Variants in PCSK2 observed in about 807,000 individuals in gnomAD.
PCSK2 encodes the protein neuroendocrine convertase 2.
A neutral mutation model predicts 69.7 loss-of-function variants in PCSK2; 14 were observed. The ratio of observed to expected loss-of-function variants is 0.20; its 90% CI spans 0.13 to 0.31. PCSK2 has a LOEUF of 0.31. Ranked by LOEUF, PCSK2 falls within the 10% of genes least tolerant of loss-of-function variation. The probability of loss-of-function intolerance (pLI) is 1.00; values close to 1 mark genes in which losing one functional copy is unlikely to be tolerated. For synonymous variants in PCSK2, 307 were observed against 320.7 expected (o/e 0.96, Z 0.46); for missense variants, 544 against 842.5 (o/e 0.65, Z 4.39).
chr20:17,416,736 G>C (rs1489359733), intron 6 of PCSK2, among the ~76,000 whole-genome samples: 1 of 152,114 alleles, frequency 6.6e-6, no homozygotes, highest in African/African-American at 2.4e-5. Flanking sequence ...TGTTTATTGT[G>C]GCACTATTGA....
intron 11 of PCSK2, among the ~76,000 whole-genome samples, chr20:17,473,446 C>T (rs2033240152): frequency 6.6e-6 from 1 of 152,190 alleles, no homozygotes; most frequent in South Asian, 2.1e-4. Context: ...AAATGAGCTC[C>T]AGATCATGGC....
intron 8 of PCSK2, among the ~76,000 whole-genome samples, chr20:17,450,421 TAAC>T (rs951939409): frequency 1.3e-5 from 2 of 152,168 alleles, no homozygotes; most frequent in Non-Finnish European, 2.9e-5. Context: ...GTGAAGTACT[TAAC>T]AAGTCCCTGG....
At chr20:17,381,017 C>T (rs558672978) in intron 5 of PCSK2, among the ~76,000 whole-genome samples, 1 of 152,274 alleles carries the variant, frequency 6.6e-6, no homozygotes, top group South Asian at 2.1e-4. Context: ...ACAGGGTTGG[C>T]TCCCAGGAAT....
At chr20:17,354,721 A>G (rs952922981) in intron 2 of PCSK2, among the ~76,000 whole-genome samples, 1 of 152,222 alleles carries the variant, frequency 6.6e-6, no homozygotes, top group African/African-American at 2.4e-5. Flanking sequence ...TAATTAAAGT[A>G]TGATAGCTAA....
chr20:17,406,159 C>T (rs1030193724), intron 5 of PCSK2, among the ~76,000 whole-genome samples: 11 of 152,160 alleles, frequency 7.2e-5, no homozygotes, highest in African/African-American at 2.7e-4. Context: ...TAGAAGACTC[C>T]AGTAGCATTC....
intron 2 of PCSK2, among the ~76,000 whole-genome samples, chr20:17,293,394 C>A (rs896316869): frequency 1.3e-5 from 2 of 152,116 alleles, no homozygotes; most frequent in Non-Finnish European, 2.9e-5. Flanking sequence ...TGTGGACATC[C>A]TTGTCTTGTT....
At chr20:17,287,530 G>A (rs1288602887) in intron 2 of PCSK2, among the ~76,000 whole-genome samples, 1 of 152,020 alleles carries the variant, frequency 6.6e-6, no homozygotes, top group Non-Finnish European at 1.5e-5. Context: ...TCAAGGAGGG[G>A]AGGGTGGATT....
At chr20:17,238,359 C>G (rs377693088) in intron 1 of PCSK2, among the ~76,000 whole-genome samples, 5 of 152,252 alleles carry the variant, frequency 3.3e-5, no homozygotes, top group African/African-American at 1.2e-4. Flanking sequence ...ATTACTCTAA[C>G]TGGTTTTTCC....
chr20:17,396,614 A>G (rs2031516294), intron 5 of PCSK2, among the ~76,000 whole-genome samples: 1 of 148,652 alleles, frequency 6.7e-6, no homozygotes, highest in South Asian at 2.1e-4. Flanking sequence ...CTCAAAGTCA[A>G]CTTATTTTTT....
chr20:17,229,278 C>A (rs191396732), intron 1 of PCSK2, among the ~76,000 whole-genome samples: 36 of 151,720 alleles, frequency 2.4e-4, no homozygotes, highest in Admixed American at 7.2e-4. Context: ...AGAAGTGAAC[C>A]CATGCTCTTT....
chr20:17,441,678 A>C (rs975250086), intron 8 of PCSK2, among the ~76,000 whole-genome samples: 1 of 151,888 alleles, frequency 6.6e-6, no homozygotes, highest in Non-Finnish European at 1.5e-5. Context: ...AAACCATGAG[A>C]TCTCATGAGA....
intron 2 of PCSK2, among the ~76,000 whole-genome samples, chr20:17,267,357 T>C (rs1987658048): frequency 6.6e-6 from 1 of 152,132 alleles, no homozygotes; most frequent in African/African-American, 2.4e-5. Context: ...CTTGACAGCA[T>C]CAGGAAAAGG....
intron 1 of PCSK2, among the ~76,000 whole-genome samples, chr20:17,256,156 A>C (rs1416394207): frequency 6.6e-6 from 1 of 152,068 alleles, no homozygotes; most frequent in Non-Finnish European, 1.5e-5. Context: ...CTCTCTGATA[A>C]ATTTTTAAAT....
At chr20:17,337,999 A>G (rs548771734) in intron 2 of PCSK2, among the ~76,000 whole-genome samples, 3 of 151,750 alleles carry the variant, frequency 2.0e-5, no homozygotes, top group African/African-American at 7.2e-5. Context: ...TCTGCATACA[A>G]TGTGCCTGGG....
chr20:17,372,064 G>C (rs1436639140), intron 5 of PCSK2, among the ~76,000 whole-genome samples: 1 of 152,134 alleles, frequency 6.6e-6, no homozygotes, highest in Non-Finnish European at 1.5e-5. Flanking sequence ...CTCACCAATG[G>C]GTGGTAACCA....
At chr20:17,256,626 C>CT (rs1009684502) in intron 1 of PCSK2, among the ~76,000 whole-genome samples, 35 of 147,160 alleles carry the variant, frequency 2.4e-4, no homozygotes, top group African/African-American at 5.5e-4. Flanking sequence ...GTTTTTTTTT[C>CT]TTTTTTTTTA....
chr20:17,238,585 A>T (rs1986431931), intron 1 of PCSK2, among the ~76,000 whole-genome samples: 1 of 152,174 alleles, frequency 6.6e-6, no homozygotes, highest in African/African-American at 2.4e-5. Flanking sequence ...ACAATGCATT[A>T]TTGATATCAC....
intron 6 of PCSK2, among the ~76,000 whole-genome samples, chr20:17,417,859 T>C (rs1399379441): frequency 1.3e-5 from 2 of 152,214 alleles, no homozygotes; most frequent in East Asian, 3.8e-4. Context: ...TAATCATTGT[T>C]AAAGCTCTGT....
At chr20:17,386,715 G>T (rs1335228733) in intron 5 of PCSK2, among the ~76,000 whole-genome samples, 1 of 152,144 alleles carries the variant, frequency 6.6e-6, no homozygotes, top group Non-Finnish European at 1.5e-5. Context: ...AAGATTGTTT[G>T]CATAGGTACT....
Sources: allele counts gnomAD v4.1 joint callset (sites outside exome capture counted in the v4.1 genomes callset), GRCh38; gene constraint gnomAD v4.1.1; transcripts MANE v1.5; gene names NCBI Gene and HGNC (gene_info 2026-07-23, HGNC 2026-07-21).